Variants in C10orf143 observed in about 807,000 individuals in gnomAD.
The protein encoded by C10orf143 is uncharacterized protein C10orf143.
At chr10:130,050,501 A>G (rs1040533028) in intron 3 of C10orf143, among the ~76,000 whole-genome samples, 4 of 152,240 alleles carry the variant, frequency 2.6e-5, no homozygotes, top group African/African-American at 4.8e-5. Flanking sequence ...TCCAGCCTAG[A>G]TAACGGAGCA....
At chr10:130,054,225 C>T (rs1435103008) in intron 3 of C10orf143, among the ~76,000 whole-genome samples, 2 of 152,194 alleles carry the variant, frequency 1.3e-5, no homozygotes, top group East Asian at 3.9e-4. Context: ...TTCTGGGCTT[C>T]TGTGAGCTCA....
intron 3 of C10orf143, among the ~76,000 whole-genome samples, chr10:130,046,653 C>A (rs1396451496): frequency 6.6e-6 from 1 of 152,248 alleles, no homozygotes; most frequent in African/African-American, 2.4e-5. Flanking sequence ...AGGAAGCCGG[C>A]CATGCTCCTT....
rs201352486 is a variant in C10orf143 at position 130,089,476 on chromosome 10, TA to T, written c.70-9576del. Among the ~76,000 whole-genome samples, 221 of 151,122 alleles carry T rather than the reference TA, an allele frequency of 1.5e-3. 1 individual carries two copies. The highest frequency in any genetic ancestry group is 6.8e-3 in the Middle Eastern group (2 of 294). The stretch of plus-strand genomic sequence containing the variant: ...TATTTTATAGATGAGGAAAAAGAAG[TA>T]AAAAAAAACCTTAGCCAACTTGCCT... On this transcript the variant is annotated intron_variant, in intron 1 of 3. Coordinates refer to ENST00000637128, the MANE Select transcript of C10orf143 (RefSeq NM_001355042.2).
At chr10:130,086,866 C>A (rs1443301566) in intron 1 of C10orf143, among the ~76,000 whole-genome samples, 1 of 152,150 alleles carries the variant, frequency 6.6e-6, no homozygotes, top group African/African-American at 2.4e-5. Context: ...TATTCTACAC[C>A]TTTTCTGTGT....
At chr10:130,110,313 G>A (rs1438897888) in intron 1 of C10orf143, among the ~76,000 whole-genome samples, 2 of 152,204 alleles carry the variant, frequency 1.3e-5, no homozygotes, top group Admixed American at 6.5e-5. Context: ...CGTGGCAGGC[G>A]CTCAGTGAAC....
intron 1 of C10orf143, chr10:130,108,503 G>A: frequency 1.4e-6 from 1 of 710,514 alleles, no homozygotes. Flanking sequence ...CTCATTTCAA[G>A]TAACTGCTGT....
At chr10:130,108,887 C>T (rs1041213280) in intron 1 of C10orf143, among the ~76,000 whole-genome samples, 1 of 152,196 alleles carries the variant, frequency 6.6e-6, no homozygotes, top group Non-Finnish European at 1.5e-5. Flanking sequence ...GTATTTGCCA[C>T]GTCTCCACTA....
intron 3 of C10orf143, among the ~76,000 whole-genome samples, chr10:130,074,036 G>A (rs930552489): frequency 6.6e-6 from 1 of 152,174 alleles, no homozygotes; most frequent in Non-Finnish European, 1.5e-5. Context: ...CGGGGATGAA[G>A]TCCACAAAAA....
chr10:130,087,126 C>CT (rs1861302911), intron 1 of C10orf143, among the ~76,000 whole-genome samples: 1 of 152,208 alleles, frequency 6.6e-6, no homozygotes, highest in Non-Finnish European at 1.5e-5. Flanking sequence ...TTTTCTGTTA[C>CT]TTACTGTGGA....
downstream of C10orf143, among the ~76,000 whole-genome samples, chr10:130,060,177 T>TA (rs961396986): frequency 2.2e-4 from 32 of 148,526 alleles, no homozygotes; most frequent in Middle Eastern, 3.4e-3. Flanking sequence ...TGCTCCATGC[T>TA]AAAAAAAAAA....
chr10:130,087,374 GA>G (rs531170385), intron 1 of C10orf143, among the ~76,000 whole-genome samples: 5 of 152,286 alleles, frequency 3.3e-5, no homozygotes, highest in Admixed American at 1.3e-4. Context: ...TATACACAAG[GA>G]CCCCATTACA....
chr10:130,079,588 G>C lies in C10orf143; in HGVS notation c.275C>G (p.Pro92Arg). Residue 92 changes from proline to arginine, a missense_variant, in exon 3 of 4, where the codon CCA becomes CGA. Coordinates refer to ENST00000637128, the MANE Select transcript of C10orf143 (RefSeq NM_001355042.2). ...NGGRSSAQPC[P>R]RCIAGESGHF... Reference sequence around the variant, plus strand: ...TACAGATTCCCCTGCAATACATCTTGGGCAAGGCTGGGCTGAGCTCCTTCC... The same window carrying C: ...TACAGATTCCCCTGCAATACATCTTCGGCAAGGCTGGGCTGAGCTCCTTCC... 1 of 399,046 alleles carries C rather than the reference G, an allele frequency of 2.5e-6. No individual in the cohort carries two copies. Among genetic ancestry groups the C allele is most frequent in the Non-Finnish European group, 4.4e-6 (1 of 226,066 alleles). The allele number at this position is 399,046 out of a possible 1,614,324, so 24.7% of individuals were successfully genotyped here.
At chr10:130,050,450 G>A (rs1245376096) in intron 3 of C10orf143, among the ~76,000 whole-genome samples, 1 of 152,192 alleles carries the variant, frequency 6.6e-6, no homozygotes, top group East Asian at 1.9e-4. Context: ...CAGCTACATG[G>A]GAGGTCAAAG....
At chr10:130,099,127 T>TAAC (rs1861507830) in intron 1 of C10orf143, among the ~76,000 whole-genome samples, 1 of 151,022 alleles carries the variant, frequency 6.6e-6, no homozygotes, top group Admixed American at 6.6e-5. Flanking sequence ...AGTGTAGGCA[T>TAAC]AACTGGCAGG....
chr10:130,041,372 G>A (rs1474182676), intron 3 of C10orf143, among the ~76,000 whole-genome samples: 1 of 152,190 alleles, frequency 6.6e-6, no homozygotes, highest in African/African-American at 2.4e-5. Flanking sequence ...GTACCAAGGA[G>A]GCCATGATGG....
rs144720966 is a variant in C10orf143, at chr10:130,065,741, A to C, written c.298-1358T>G. The C allele has an allele frequency of 6.6e-6, 1 of 152,338 alleles. No homozygotes were observed. Among genetic ancestry groups the C allele is most frequent in the Non-Finnish European group, 1.5e-5 (1 of 68,038 alleles). 9.4% of individuals were successfully genotyped at this position (152,338 alleles called of 1,614,324 possible). ...CAGTCTAATGGACATCAAGTCTCTAAAAGGCAGGGGAAAGTATGTAGCATT... is the reference window on the plus strand; with the variant it reads ...CAGTCTAATGGACATCAAGTCTCTACAAGGCAGGGGAAAGTATGTAGCATT... On this transcript the variant is annotated intron_variant, in intron 3 of 3. Transcript: ENST00000637128. The surrounding 1 kb of genome is among the most constrained non-coding windows in gnomAD (Gnocchi z 4.2).
At chr10:130,107,053 CCA>C (rs752217593) in intron 1 of C10orf143, 4 of 1,438,586 alleles carry the variant, frequency 2.8e-6, no homozygotes, top group Non-Finnish European at 3.9e-6. Flanking sequence ...AAATTTATAT[CCA>C]GTTACCTGAA....
intron 1 of C10orf143, among the ~76,000 whole-genome samples, chr10:130,090,846 T>C (rs1426190057): frequency 2.0e-5 from 3 of 152,178 alleles, no homozygotes; most frequent in Non-Finnish European, 4.4e-5. Context: ...ACAAAGCCAC[T>C]GTAGCCAGAC....
chr10:130,094,015 T>TAAAAAA (rs61617138), intron 1 of C10orf143, among the ~76,000 whole-genome samples: 2 of 137,692 alleles, frequency 1.5e-5, no homozygotes, highest in African/African-American at 5.4e-5. Flanking sequence ...ATCTCACCAT[T>TAAAAAA]AAAAAAAAAA....
Sources: allele counts gnomAD v4.1 joint callset (sites outside exome capture counted in the v4.1 genomes callset), GRCh38; gene constraint gnomAD v4.1.1; non-coding constraint Gnocchi (gnomAD v3.1); transcripts MANE v1.5; gene names NCBI Gene and HGNC (gene_info 2026-07-23, HGNC 2026-07-21).